Variants in ZC3H14 observed in about 807,000 individuals in gnomAD.
ZC3H14 encodes zinc finger CCCH-type containing 14.
A neutral mutation model predicts 92.4 loss-of-function variants in ZC3H14; 31 were observed. The observed-to-expected ratio is 0.34, with a 90% CI of 0.25 to 0.45. The LOEUF is 0.45. Ranked by LOEUF, ZC3H14 falls within the 20% of genes least tolerant of loss-of-function variation. The pLI, the probability that ZC3H14 is intolerant of heterozygous loss-of-function variation, is 1.00. For missense variants in ZC3H14, 781 were observed against 897.3 expected (o/e 0.87, Z 1.66); for synonymous variants, 321 against 300.9 (o/e 1.07, Z -0.69).
At chr14:88,594,980 A>G in intron 9 of ZC3H14, 2 of 1,613,966 alleles carry the variant, frequency 1.2e-6, no homozygotes, top group Non-Finnish European at 1.7e-6. Flanking sequence ...TCATCTTTGG[A>G]GGTTAAAATG....
At chr14:88,573,382 C>A (rs2080722376) in intron 6 of ZC3H14, among the ~76,000 whole-genome samples, 3 of 151,278 alleles carry the variant, frequency 2.0e-5, no homozygotes, top group Admixed American at 1.3e-4. Flanking sequence ...TCCGTCTCAA[C>A]CAAAAAAGAA....
Position 88,616,877 on chromosome 14 carries a change from A to G in ZC3H14, c.*5126A>G. On this transcript the variant is annotated 3_prime_UTR_variant, in exon 17 of 17. Coordinates refer to ENST00000251038, the MANE Select transcript of ZC3H14 (RefSeq NM_024824.5). ...GATTCCCAAAACCTCATCTCCTAGA[A>G]TACTAGAGGGAAGGAACAAAAGAAA... The G allele has an allele frequency of 1.2e-6, 2 of 1,613,230 alleles. No homozygotes were observed. Among genetic ancestry groups the G allele is most frequent in the South Asian group, 2.2e-5 (2 of 90,944 alleles).
At chr14:88,573,083 T>C in intron 6 of ZC3H14, 76 bp downstream of exon 6, 1 of 1,514,706 alleles carries the variant, frequency 6.6e-7, no homozygotes. Context: ...ATGAAGTAAC[T>C]AAACACATAT....
At position 88,616,939 on chromosome 14, in the gene ZC3H14, C is replaced by T. The variant is rs996857089; in HGVS notation, c.*5188C>T. 6.5e-6 allele frequency: 10 copies of T among 1,535,562 alleles called. No homozygotes were observed. The highest frequency in any genetic ancestry group is 1.7e-4 in the Middle Eastern group (1 of 5,820). On this transcript the variant is annotated 3_prime_UTR_variant, in exon 17 of 17. Transcript: ENST00000251038. ...CAAGTGCGGGCAGGTTGACTATATT[C>T]AAAAAGTTTCTTGGCAATTAATCTC...
At position 88,563,072 on chromosome 14, in the gene ZC3H14, C is replaced by T. The variant is rs538686422; in HGVS notation, c.-62C>T. On this transcript the variant is annotated 5_prime_UTR_variant, in exon 1 of 17. Coordinates refer to ENST00000251038, the MANE Select transcript of ZC3H14 (RefSeq NM_024824.5). ...GTGTCCCGGCTGCGGGGTAGGAGTCCGCGGCAGCCTCCGGGTAAGCCAAGC... is the reference window on the plus strand; with the variant it reads ...GTGTCCCGGCTGCGGGGTAGGAGTCTGCGGCAGCCTCCGGGTAAGCCAAGC... 1.9e-6 allele frequency: 3 copies of T among 1,543,198 alleles called. No homozygotes were observed. The highest frequency in any genetic ancestry group is 1.2e-5 in the South Asian group (1 of 84,174).
intron 15 of ZC3H14, among the ~76,000 whole-genome samples, chr14:88,610,328 T>TGC (rs1189550461): frequency 1.8e-4 from 27 of 152,258 alleles, no homozygotes; most frequent in African/African-American, 6.5e-4. Context: ...TAAGGGATAA[T>TGC]TAGAAGTTTT....
At chr14:88,564,333 T>C (rs1436354826) in intron 2 of ZC3H14, among the ~76,000 whole-genome samples, 3 of 152,218 alleles carry the variant, frequency 2.0e-5, no homozygotes, top group African/African-American at 7.2e-5. Context: ...GGTACTGTGC[T>C]TAACTATTGT....
In ZC3H14 at chr14:88,614,322, AC is replaced by A. The variant is rs1448836348; in HGVS notation, c.*2572del. 2 of 152,358 alleles carry A rather than the reference AC, an allele frequency of 1.3e-5. No homozygotes were observed. Among genetic ancestry groups the A allele is most frequent in the East Asian group, 1.9e-4 (1 of 5,194 alleles). The allele number at this position is 152,358 out of a possible 1,614,324, so 9.4% of individuals were successfully genotyped here. On this transcript the variant is annotated 3_prime_UTR_variant, in exon 17 of 17. Coordinates refer to ENST00000251038, the MANE Select transcript of ZC3H14 (RefSeq NM_024824.5). Reference sequence around the variant, plus strand: ...TCCACTGATGAACAAGTACCAACTTACGTTTCAAGCTTCTTAGCCCCATAAT... The same window carrying A: ...TCCACTGATGAACAAGTACCAACTTAGTTTCAAGCTTCTTAGCCCCATAAT...
At chr14:88,567,764 A>G in intron 2 of ZC3H14, 2 of 445,250 alleles carry the variant, frequency 4.5e-6, no homozygotes, top group South Asian at 1.9e-5. Context: ...TATTAAAAAG[A>G]TTCAAGGAAG....
chr14:88,563,532 C>G (rs2079154204), intron 1 of ZC3H14, 119 bp from the exon 2 acceptor site: 1 of 1,577,590 alleles, frequency 6.3e-7, no homozygotes, highest in African/African-American at 1.3e-5. Flanking sequence ...CTCCTCCCAG[C>G]CCCCGCCCGG....
chr14:88,590,687 C>A (rs946405609), intron 9 of ZC3H14: 3 of 152,278 alleles, frequency 2.0e-5, no homozygotes, highest in Middle Eastern at 6.8e-3. Context: ...GAATTGTTTT[C>A]TTTTAGCATG....
chr14:88,587,371 G>T (rs1046499005), intron 9 of ZC3H14, among the ~76,000 whole-genome samples: 1 of 151,930 alleles, frequency 6.6e-6, no homozygotes, highest in East Asian at 1.9e-4. Flanking sequence ...TCACCATCAT[G>T]CCCAGGCTGG....
At chr14:88,563,417 A>T in intron 1 of ZC3H14, 4 of 1,426,280 alleles carry the variant, frequency 2.8e-6, no homozygotes, top group Non-Finnish European at 3.6e-6. Flanking sequence ...TGGAGCCACC[A>T]CCGCGGCGCA....
chr14:88,581,113 C>T (rs2081857781), intron 9 of ZC3H14, among the ~76,000 whole-genome samples: 1 of 152,140 alleles, frequency 6.6e-6, no homozygotes, highest in African/African-American at 2.4e-5. Flanking sequence ...CCTGAATTTA[C>T]ATTGGAAATG....
intron 2 of ZC3H14, 105 bp from the exon 3 acceptor site, chr14:88,567,934 C>A (rs760644174): frequency 8.7e-6 from 8 of 914,470 alleles, no homozygotes; most frequent in Non-Finnish European, 1.4e-5. Context: ...CAGTAGAGCT[C>A]TGCGACTCTA....
intron 7 of ZC3H14, among the ~76,000 whole-genome samples, chr14:88,575,384 A>C (rs1177938712): frequency 6.6e-6 from 1 of 152,046 alleles, no homozygotes; most frequent in Non-Finnish European, 1.5e-5. Flanking sequence ...ATTAAGATTC[A>C]GATTTATTAT....
chr14:88,563,220 G>A (rs1294933437), intron 1 of ZC3H14, 51 bp downstream of exon 1: 2 of 1,580,242 alleles, frequency 1.3e-6, no homozygotes, highest in East Asian at 2.3e-5. Context: ...GCGAGCGGGC[G>A]GTTGTCAGGA....
chr14:88,569,118 TG>T (rs2080075398), intron 3 of ZC3H14, among the ~76,000 whole-genome samples: 1 of 152,168 alleles, frequency 6.6e-6, no homozygotes, highest in African/African-American at 2.4e-5. Flanking sequence ...CCTCCTGCCT[TG>T]GCCTTCAGAA....
intron 12 of ZC3H14, 149 bp from the exon 13 acceptor site, chr14:88,607,094 G>A: frequency 8.1e-7 from 1 of 1,233,884 alleles, no homozygotes; most frequent in South Asian, 1.3e-5. Context: ...TATGGCCAGT[G>A]TTAATCCCAT....
Sources: allele counts gnomAD v4.1 joint callset (sites outside exome capture counted in the v4.1 genomes callset), GRCh38; gene constraint gnomAD v4.1.1; transcripts MANE v1.5; gene names NCBI Gene and HGNC (gene_info 2026-07-23, HGNC 2026-07-21).